Variants in ADAMTS17 observed in about 807,000 individuals in gnomAD.
The protein encoded by ADAMTS17 is A disintegrin and metalloproteinase with thrombospondin motifs 17.
ADAMTS17 carries 113 observed loss-of-function variants against 141.5 expected under a neutral mutation model. The observed-to-expected ratio is 0.80, with a 90% CI of 0.69 to 0.93. The LOEUF (loss-of-function observed/expected upper bound fraction) is 0.93, where lower values mean the gene tolerates loss of function less well. Among genes scored for constraint, ADAMTS17 ranks in the 40% least tolerant of loss-of-function variants. ADAMTS17 has a pLI of 0.00. For missense variants in ADAMTS17, 1,659 were observed against 1,517.9 expected, an observed-to-expected ratio of 1.09 and a Z score of -1.54; for synonymous variants, 768 against 630.6, an observed-to-expected ratio of 1.22 and a Z score of -3.27.
intron 14 of ADAMTS17, among the ~76,000 whole-genome samples, chr15:100,105,354 A>G (rs2036350413): frequency 6.6e-6 from 1 of 152,206 alleles, no homozygotes; most frequent in African/African-American, 2.4e-5. Flanking sequence ...CTACTTGGTT[A>G]ATGTGAGGTG....
chr15:100,079,179 C>T (rs73476414), intron 15 of ADAMTS17, among the ~76,000 whole-genome samples: 4,809 of 152,272 alleles, frequency 0.032, 272 homozygotes, highest in African/African-American at 0.11. Flanking sequence ...AGAATTCTCA[C>T]TCACCAATTC....
intron 13 of ADAMTS17, 87 bp downstream of exon 13, chr15:100,116,760 G>C: frequency 1.3e-6 from 2 of 1,593,424 alleles, no homozygotes; most frequent in Admixed American, 3.3e-5. Context: ...TTTGGGAAAG[G>C]GATGCCCCCC....
chr15:100,223,220 C>T (rs190029604), intron 7 of ADAMTS17, among the ~76,000 whole-genome samples: 90 of 152,300 alleles, frequency 5.9e-4, no homozygotes, highest in African/African-American at 1.9e-3. Flanking sequence ...GGGACAGCCA[C>T]GCCTTAGCTC....
intron 8 of ADAMTS17, among the ~76,000 whole-genome samples, chr15:100,199,108 A>T (rs373412033): frequency 3.3e-5 from 5 of 152,224 alleles, no homozygotes; most frequent in Non-Finnish European, 7.3e-5. Flanking sequence ...GTGCACATCA[A>T]ATTAACATTT....
intron 18 of ADAMTS17, among the ~76,000 whole-genome samples, chr15:100,015,895 G>C (rs2061279640): frequency 3.3e-5 from 5 of 152,178 alleles, no homozygotes; most frequent in Non-Finnish European, 7.3e-5. Context: ...TGTGCTTCTT[G>C]TATTTGGATG....
chr15:100,062,994 GGCTGACCTTT>G (rs1412418721), intron 15 of ADAMTS17, among the ~76,000 whole-genome samples: 4 of 152,170 alleles, frequency 2.6e-5, no homozygotes, highest in Non-Finnish European at 5.9e-5. Context: ...TCAAGTCCTG[GGCTGACCTTT>G]GCTGGGGTCG....
intron 18 of ADAMTS17, among the ~76,000 whole-genome samples, chr15:100,015,360 G>A (rs1191087178): frequency 6.6e-6 from 1 of 152,172 alleles, no homozygotes; most frequent in Non-Finnish European, 1.5e-5. Flanking sequence ...CTATTGGGAT[G>A]TGAGGTACCG....
rs1016774790 is a variant in ADAMTS17 at position 100,164,590 on chromosome 15, C to T, written c.1182-9270G>A. Among the ~76,000 whole-genome samples, 9 of 152,166 alleles carry T rather than the reference C, an allele frequency of 5.9e-5. No homozygotes were observed. In the East Asian group the frequency reaches 1.2e-3, roughly 20 times the overall value. ...CTTGCTTCTGCTAAGCACACACATT[C>T]GCTTGAGCAAAGCAAGTTGCAGCCC... On this transcript the variant is annotated intron_variant, in intron 8 of 21. Coordinates refer to ENST00000268070, the MANE Select transcript of ADAMTS17 (RefSeq NM_139057.4).
At chr15:100,173,026 A>G (rs551492103) in intron 8 of ADAMTS17, among the ~76,000 whole-genome samples, 1 of 152,278 alleles carries the variant, frequency 6.6e-6, no homozygotes, top group South Asian at 2.1e-4. Flanking sequence ...GCTTGGGAAA[A>G]CTAAGCCCAA....
intron 13 of ADAMTS17, among the ~76,000 whole-genome samples, chr15:100,113,117 C>A (rs759748617): frequency 1.3e-5 from 2 of 152,102 alleles, no homozygotes; most frequent in Non-Finnish European, 2.9e-5. Context: ...CAGTCCCCGG[C>A]GGACAGGCCT....
intron 3 of ADAMTS17, among the ~76,000 whole-genome samples, chr15:100,297,424 C>A (rs2044862249): frequency 6.6e-6 from 1 of 152,066 alleles, no homozygotes. Context: ...GATAACTACT[C>A]CATGGGCCAA....
At chr15:100,103,572 C>T (rs2036247082) in intron 14 of ADAMTS17, among the ~76,000 whole-genome samples, 1 of 99,176 alleles carries the variant, frequency 1.0e-5, no homozygotes, top group South Asian at 3.4e-4. Flanking sequence ...CATCCAGCCA[C>T]TCTTTTTTTT....
intron 8 of ADAMTS17, among the ~76,000 whole-genome samples, chr15:100,165,833 C>A (rs898322108): frequency 6.6e-6 from 1 of 152,162 alleles, no homozygotes; most frequent in African/African-American, 2.4e-5. Context: ...TCTGCCCCCC[C>A]TCAGGACAAA....
At chr15:100,287,989 G>A (rs568491260) in intron 3 of ADAMTS17, among the ~76,000 whole-genome samples, 1 of 152,146 alleles carries the variant, frequency 6.6e-6, no homozygotes, top group Non-Finnish European at 1.5e-5. Flanking sequence ...CATGATGACA[G>A]GAAGAAATCT....
intron 3 of ADAMTS17, among the ~76,000 whole-genome samples, chr15:100,304,880 T>C (rs1271883691): frequency 1.3e-5 from 2 of 152,242 alleles, no homozygotes; most frequent in Non-Finnish European, 2.9e-5. Context: ...AGCATGAAGA[T>C]GACAAGGATG....
At chr15:100,250,328 C>A (rs2043115114) in intron 7 of ADAMTS17, among the ~76,000 whole-genome samples, 1 of 152,170 alleles carries the variant, frequency 6.6e-6, no homozygotes, top group African/African-American at 2.4e-5. Flanking sequence ...AGCTCCTTTC[C>A]TACAGAACTC....
intron 18 of ADAMTS17, among the ~76,000 whole-genome samples, chr15:100,006,529 C>T (rs992338404): frequency 6.6e-6 from 1 of 152,286 alleles, no homozygotes; most frequent in South Asian, 2.1e-4. Context: ...GAATCTCAAA[C>T]GCAGGTAGCC....
At chr15:100,154,729 C>A (rs980381902) in intron 9 of ADAMTS17, among the ~76,000 whole-genome samples, 1 of 152,186 alleles carries the variant, frequency 6.6e-6, no homozygotes, top group African/African-American at 2.4e-5. Flanking sequence ...ATAAACACAG[C>A]CCTCCCCTCC....
chr15:100,275,190 A>C (rs1160709500), intron 4 of ADAMTS17, among the ~76,000 whole-genome samples: 1 of 152,222 alleles, frequency 6.6e-6, no homozygotes, highest in African/African-American at 2.4e-5. Flanking sequence ...AGCATTCCTG[A>C]CAAAGACAGT....
Sources: allele counts gnomAD v4.1 joint callset (sites outside exome capture counted in the v4.1 genomes callset), GRCh38; gene constraint gnomAD v4.1.1; transcripts MANE v1.5; gene names NCBI Gene and HGNC (gene_info 2026-07-23, HGNC 2026-07-21).